Variants in VCF1 observed in about 807,000 individuals in gnomAD.
VCF1 encodes the protein VCP nuclear cofactor family member 1, also known as protein VCF1.
At chr17:73,224,992 CAGGACAGGACAGGACAGCATAGGAT>C in the VCF1 span, among the ~76,000 whole-genome samples, 1 of 53,214 alleles carries the variant, frequency 1.9e-5, no homozygotes, top group Admixed American at 1.8e-4. Flanking sequence ...CAGCACAGCA[CAGGACAGGACAGGACAGCATAGGAT>C]AGGACAGGAC....
chr17:73,227,421 A>G, the VCF1 span, among the ~76,000 whole-genome samples: 1 of 152,268 alleles, frequency 6.6e-6, no homozygotes, highest in Non-Finnish European at 1.5e-5. Flanking sequence ...TTGGAAGTAC[A>G]GCATCACTGG....
the VCF1 span, chr17:73,208,218 T>C: frequency 6.2e-7 from 1 of 1,601,414 alleles, no homozygotes. Flanking sequence ...TCCGCTTGTG[T>C]GTGCCGTGTG....
chr17:73,229,096 G>C, the VCF1 span: 1 of 970,848 alleles, frequency 1.0e-6, no homozygotes, highest in Non-Finnish European at 1.2e-6. Flanking sequence ...TGATTTTGTG[G>C]ATTTCAACTA....
chr17:73,207,926 T>C, the VCF1 span: 2 of 1,187,932 alleles, frequency 1.7e-6, no homozygotes, highest in South Asian at 1.7e-5. Context: ...AGTTGGGAGA[T>C]GGTAGTTTAA....
chr17:73,207,662 A>G, the VCF1 span: 1 of 1,295,220 alleles, frequency 7.7e-7, no homozygotes, highest in Non-Finnish European at 1.0e-6. Context: ...TGTTTCCCCA[A>G]AAGTTTGACA....
the VCF1 span, among the ~76,000 whole-genome samples, chr17:73,224,945 CACAGCACAGGACAGG>C: frequency 9.1e-6 from 1 of 110,260 alleles, no homozygotes; most frequent in South Asian, 3.0e-4. Flanking sequence ...CACAGCACAG[CACAGCACAGGACAGG>C]ACAGCACAGC....
chr17:73,215,982 A>C, the VCF1 span, among the ~76,000 whole-genome samples: 1 of 152,114 alleles, frequency 6.6e-6, no homozygotes, highest in African/African-American at 2.4e-5. Flanking sequence ...CCTTGACAGG[A>C]GTGAGTGAGA....
chr17:73,226,010 T>G, the VCF1 span, among the ~76,000 whole-genome samples: 1 of 150,412 alleles, frequency 6.6e-6, no homozygotes, highest in Non-Finnish European at 1.5e-5. Flanking sequence ...CAAGCCATTC[T>G]CCCACCTCAG....
the VCF1 span, among the ~76,000 whole-genome samples, chr17:73,231,365 G>T: frequency 1.3e-5 from 2 of 152,152 alleles, no homozygotes; most frequent in East Asian, 1.9e-4. Flanking sequence ...ACTTAGTCCG[G>T]ACTCTAGTAG....
the VCF1 span, chr17:73,207,448 C>T: frequency 1.4e-6 from 1 of 701,404 alleles, no homozygotes; most frequent in Non-Finnish European, 2.5e-6. Context: ...GTAAAAGATG[C>T]CCGCTGACAC....
the VCF1 span, among the ~76,000 whole-genome samples, chr17:73,220,383 C>T: frequency 6.6e-6 from 1 of 152,168 alleles, no homozygotes; most frequent in Admixed American, 6.6e-5. Context: ...ATATTAACAT[C>T]AAAAATTTTG....
At chr17:73,222,804 G>C in the VCF1 span, among the ~76,000 whole-genome samples, 2 of 148,176 alleles carry the variant, frequency 1.3e-5, no homozygotes, top group African/African-American at 5.0e-5. Flanking sequence ...AAAAAAAAGA[G>C]AAGACTAGGC....
the VCF1 span, among the ~76,000 whole-genome samples, chr17:73,217,356 T>TAA: frequency 5.0e-5 from 6 of 120,762 alleles, no homozygotes; most frequent in Non-Finnish European, 8.7e-5. Context: ...GTATCTCAAT[T>TAA]AAAAAAAAAA....
At chr17:73,213,102 G>A in the VCF1 span, among the ~76,000 whole-genome samples, 2 of 152,052 alleles carry the variant, frequency 1.3e-5, no homozygotes, top group African/African-American at 4.8e-5. Flanking sequence ...AAATTAGCTG[G>A]GCGTGGTGGT....
the VCF1 span, among the ~76,000 whole-genome samples, chr17:73,221,807 G>C: frequency 1.3e-5 from 2 of 151,872 alleles, no homozygotes; most frequent in Non-Finnish European, 2.9e-5. Context: ...AGGCCGAGGC[G>C]GGCGGATCAT....
the VCF1 span, among the ~76,000 whole-genome samples, chr17:73,211,808 C>T: frequency 2.6e-5 from 4 of 152,090 alleles, no homozygotes; most frequent in South Asian, 2.1e-4. Context: ...TGCAGTGAGC[C>T]GAGATCACGC....
At chr17:73,207,780 T>G in the VCF1 span, 2 of 1,289,116 alleles carry the variant, frequency 1.6e-6, no homozygotes, top group Non-Finnish European at 2.0e-6. Context: ...GTTTGAAAGC[T>G]CAAACAGCTT....
chr17:73,230,465 C>T, the VCF1 span, among the ~76,000 whole-genome samples: 3 of 151,924 alleles, frequency 2.0e-5, no homozygotes, highest in Admixed American at 6.6e-5. Flanking sequence ...CAGTGATCTC[C>T]GCTCACTGCA....
At chr17:73,222,045 A>AAC in the VCF1 span, among the ~76,000 whole-genome samples, 27 of 150,228 alleles carry the variant, frequency 1.8e-4, no homozygotes, top group African/African-American at 6.1e-4. Flanking sequence ...CAAAAAAAAA[A>AAC]AAAAAAAAAA....
Sources: gnomAD v4.1 joint callset for allele counts (sites outside exome capture counted in the v4.1 genomes callset) on GRCh38, gnomAD v4.1.1 for gene constraint, MANE v1.5 for transcripts, NCBI Gene and HGNC (gene_info 2026-07-23, HGNC 2026-07-21) for gene names.